MYOM1: variants seen among roughly 807,000 people sequenced by gnomAD.
The protein encoded by MYOM1 is myomesin-1.
In MYOM1, 164 loss-of-function variants were observed where a neutral mutation model predicts 205.3. The ratio of observed to expected loss-of-function variants is 0.80; its 90% CI spans 0.70 to 0.91. MYOM1 has a LOEUF of 0.91. Ranked by LOEUF, MYOM1 falls within the 40% of genes least tolerant of loss-of-function variation. MYOM1 has a pLI of 0.00. For synonymous variants in MYOM1, 772 were observed against 789.4 expected, an observed-to-expected ratio of 0.98 and a Z score of 0.37; for missense variants, 2,011 against 2,127.3, an observed-to-expected ratio of 0.95 and a Z score of 1.08.
chr18:3,244,856 G>A, the MYOM1 span, among the ~76,000 whole-genome samples: 1 of 151,340 alleles, frequency 6.6e-6, no homozygotes, highest in East Asian at 1.9e-4. Flanking sequence ...CTGAGATCGT[G>A]CCACTGCACT....
chr18:3,238,336 T>C, the MYOM1 span, among the ~76,000 whole-genome samples: 1 of 152,076 alleles, frequency 6.6e-6, no homozygotes, highest in Non-Finnish European at 1.5e-5. Context: ...TGGGGAGCAG[T>C]TGTAAGTACA....
intron 14 of MYOM1, among the ~76,000 whole-genome samples, chr18:3,138,208 T>G (rs1296657399): frequency 1.3e-5 from 2 of 152,202 alleles, no homozygotes; most frequent in Non-Finnish European, 2.9e-5. Context: ...GAGAAGAAAT[T>G]TAGAAACTCT....
chr18:3,146,309 C>A (rs1191892039), intron 13 of MYOM1, among the ~76,000 whole-genome samples: 1 of 152,046 alleles, frequency 6.6e-6, no homozygotes, highest in Non-Finnish European at 1.5e-5. Flanking sequence ...AAACCACAGA[C>A]CAATATCTTT....
intron 5 of MYOM1, among the ~76,000 whole-genome samples, chr18:3,184,876 T>C (rs2080788821): frequency 6.6e-6 from 1 of 152,220 alleles, no homozygotes; most frequent in Non-Finnish European, 1.5e-5. Flanking sequence ...CTTGTCTCTG[T>C]GTCTTCCCTT....
intron 25 of MYOM1, among the ~76,000 whole-genome samples, chr18:3,097,799 C>T (rs954813331): frequency 6.6e-6 from 1 of 152,192 alleles, no homozygotes; most frequent in African/African-American, 2.4e-5. Context: ...TGCTGCTACC[C>T]TCTCTCGTAG....
chr18:3,168,801 C>G lies in MYOM1; in HGVS notation c.1339+16G>C, dbSNP rs780197287. Reference sequence around the variant, plus strand: ...TCGAATAAGAACCTAAGTGAGCATTCATTGTAAAGACTCACCGTTTCTGTA... The same window carrying G: ...TCGAATAAGAACCTAAGTGAGCATTGATTGTAAAGACTCACCGTTTCTGTA... On this transcript the variant is annotated intron_variant, in intron 9 of 37. Coordinates refer to ENST00000356443, the MANE Select transcript of MYOM1 (RefSeq NM_003803.4). The G allele has an allele frequency of 1.9e-6, 3 of 1,612,788 alleles. 1 individual carries two copies. In the South Asian group the frequency reaches 3.3e-5, roughly 18 times the overall value.
chr18:3,181,732 AT>A (rs11448786), intron 5 of MYOM1, among the ~76,000 whole-genome samples: 1,560 of 127,026 alleles, frequency 0.012, 18 homozygotes, highest in African/African-American at 0.044. Flanking sequence ...AAACTGAATA[AT>A]TTTTTTTTTT....
At chr18:3,086,399 CAT>C (rs1329574034) in intron 29 of MYOM1, among the ~76,000 whole-genome samples, 1 of 149,560 alleles carries the variant, frequency 6.7e-6, no homozygotes, top group East Asian at 1.9e-4. Flanking sequence ...ACTCTAAAAT[CAT>C]GTGGTAGGAA....
At chr18:3,204,990 TG>T (rs1331381615) in intron 2 of MYOM1, among the ~76,000 whole-genome samples, 3 of 152,098 alleles carry the variant, frequency 2.0e-5, no homozygotes, top group African/African-American at 4.8e-5. Flanking sequence ...CAAATGGTGC[TG>T]GGGCAATCAG....
intron 25 of MYOM1, among the ~76,000 whole-genome samples, chr18:3,098,435 A>G (rs1213447384): frequency 6.6e-6 from 1 of 151,496 alleles, no homozygotes. Flanking sequence ...CCACCACCAC[A>G]CCCAGCTAAT....
intron 2 of MYOM1, among the ~76,000 whole-genome samples, chr18:3,207,992 T>G (rs1340527141): frequency 6.6e-6 from 1 of 152,206 alleles, no homozygotes; most frequent in Non-Finnish European, 1.5e-5. Context: ...TACACATCTA[T>G]GAAAGGAGGG....
At chr18:3,112,271 A>G in intron 22 of MYOM1, 27 bp downstream of exon 22, 1 of 1,583,618 alleles carries the variant, frequency 6.3e-7, no homozygotes, top group Non-Finnish European at 8.7e-7. Context: ...AGATAGGATT[A>G]GTTTTAATGA....
At chr18:3,169,651 A>C (rs765293715) in intron 8 of MYOM1, among the ~76,000 whole-genome samples, 7 of 152,222 alleles carry the variant, frequency 4.6e-5, no homozygotes, top group Non-Finnish European at 1.0e-4. Flanking sequence ...ACAGGCAATA[A>C]CGCTGACAAA....
chr18:3,094,458 C>G (rs2079272746), intron 25 of MYOM1, among the ~76,000 whole-genome samples, 152 bp from the exon 26 acceptor site: 1 of 151,168 alleles, frequency 6.6e-6, no homozygotes, highest in South Asian at 2.1e-4. Flanking sequence ...GTGAGAGTTG[C>G]AGGGAAAGCC....
At chr18:3,225,079 C>T in the MYOM1 span, among the ~76,000 whole-genome samples, 2 of 152,206 alleles carry the variant, frequency 1.3e-5, no homozygotes, top group Non-Finnish European at 2.9e-5. Flanking sequence ...GCTCCACCTC[C>T]CGGGTTCACA....
chr18:3,180,159 A>T (rs1021641127), intron 5 of MYOM1, among the ~76,000 whole-genome samples: 2 of 152,194 alleles, frequency 1.3e-5, no homozygotes, highest in African/African-American at 4.8e-5. Flanking sequence ...AAAATAAAAT[A>T]AAAAACTATT....
At chr18:3,175,902 C>A in intron 6 of MYOM1, 140 bp downstream of exon 6, 1 of 565,982 alleles carries the variant, frequency 1.8e-6, no homozygotes, top group South Asian at 2.6e-5. Flanking sequence ...GGTGTGCACC[C>A]AGAGAAGCAC....
intron 19 of MYOM1, among the ~76,000 whole-genome samples, chr18:3,125,282 T>C (rs2079762514): frequency 6.6e-6 from 1 of 152,204 alleles, no homozygotes; most frequent in Non-Finnish European, 1.5e-5. Flanking sequence ...GATAGATGTA[T>C]ACAAAATTGT....
At chr18:3,183,502 G>T (rs1328185443) in intron 5 of MYOM1, among the ~76,000 whole-genome samples, 1 of 152,172 alleles carries the variant, frequency 6.6e-6, no homozygotes, top group Non-Finnish European at 1.5e-5. Flanking sequence ...GTGGAAACTG[G>T]TTGGTTGGTG....
Sources: gnomAD v4.1 joint callset for allele counts (sites outside exome capture counted in the v4.1 genomes callset) on GRCh38, gnomAD v4.1.1 for gene constraint, MANE v1.5 for transcripts, NCBI Gene and HGNC (gene_info 2026-07-23, HGNC 2026-07-21) for gene names.